The following CCDC171 variants were observed in gnomAD, a reference collection of about 807,000 sequenced individuals.
CCDC171 encodes the protein coiled-coil domain containing 171.
Under a neutral mutation model 168.2 loss-of-function variants are expected in CCDC171, and 177 were observed. The observed-to-expected ratio is 1.05, with a 90% confidence interval of 0.93 to 1.19. The LOEUF is 1.19. CCDC171 is among the 50% of genes most tolerant of loss of function. The pLI is 0.00. For synonymous variants in CCDC171, 687 were observed against 540.8 expected (o/e 1.27, Z -3.75); for missense variants, 1,991 against 1,539.0 (o/e 1.29, Z -4.91).
rs141749046 is a variant in CCDC171, at chr9:15,796,722, T to C, written c.3267+12028T>C. ...GTATGCCCTCAGGCAAGAGGCACAT[T>C]TGTGGAGTGCACAGTGGTCTGAGCT... On this transcript the variant is annotated intron_variant, in intron 21 of 25. Transcript: ENST00000380701. Among the ~76,000 whole-genome samples the C allele has an allele frequency of 1.6e-3, 244 of 151,670 alleles. 1 individual carries two copies. The highest frequency in any genetic ancestry group is 5.6e-3 in the African/African-American group (232 of 41,306).
At chr9:15,644,922 C>A (rs2046916854) in intron 7 of CCDC171, among the ~76,000 whole-genome samples, 1 of 152,228 alleles carries the variant, frequency 6.6e-6, no homozygotes, top group South Asian at 2.1e-4. Flanking sequence ...AGTTTGAGAT[C>A]TGAGAACAAA....
chr9:15,579,021 G>T lies in CCDC171; in HGVS notation c.350G>T (p.Cys117Phe), dbSNP rs765582386. The part of the protein sequence containing the change: ...AEAHRIQEKL[C>F]AQNSELQAKT... Reference sequence around the variant, plus strand: ...GCACATAGGATCCAAGAAAAACTCTGTGGTAAGACTGTTTCTATTTCTTCC... The same window carrying T: ...GCACATAGGATCCAAGAAAAACTCTTTGGTAAGACTGTTTCTATTTCTTCC... Residue 117 changes from cysteine (C) to phenylalanine (F), a missense_variant and splice_region_variant, in exon 4 of 26, where the codon TGT becomes TTT. Cys to Phe is a radical substitution (Grantham distance 205). Transcript: ENST00000380701. The T allele has an allele frequency of 2.5e-6, 4 of 1,612,122 alleles. No individual in the cohort carries two copies. The Admixed American group carries it at 6.7e-5, about 27-fold the overall frequency.
At chr9:15,636,236 C>A (rs987601292) in intron 7 of CCDC171, among the ~76,000 whole-genome samples, 3 of 151,890 alleles carry the variant, frequency 2.0e-5, no homozygotes, top group Middle Eastern at 3.2e-3. Flanking sequence ...AACAGAAATG[C>A]CAAATATGAA....
intron 10 of CCDC171, among the ~76,000 whole-genome samples, chr9:15,682,307 T>G (rs115717799): frequency 0.016 from 2,412 of 152,064 alleles, 66 homozygotes; most frequent in African/African-American, 0.053. Context: ...ATACAGAAAG[T>G]CTTAATAAAC....
intron 18 of CCDC171, among the ~76,000 whole-genome samples, chr9:15,748,401 A>G (rs537685485): frequency 1.9e-3 from 291 of 152,358 alleles, no homozygotes; most frequent in Middle Eastern, 3.4e-3. Context: ...AACGCTTTTC[A>G]GGATATTATC....
chr9:16,020,302 C>G (rs1168672847), intron 3 of CCDC171, among the ~76,000 whole-genome samples: 2 of 152,146 alleles, frequency 1.3e-5, no homozygotes, highest in Non-Finnish European at 2.9e-5. Flanking sequence ...CCCAAGATAT[C>G]TCATTATATA....
intron 21 of CCDC171, among the ~76,000 whole-genome samples, chr9:15,822,623 A>T (rs1484010136): frequency 6.6e-6 from 1 of 152,182 alleles, no homozygotes; most frequent in East Asian, 1.9e-4. Context: ...TGCAAATCAA[A>T]ACCACAGTGA....
intron 25 of CCDC171, among the ~76,000 whole-genome samples, chr9:15,956,905 G>A (rs1829851991): frequency 6.6e-6 from 1 of 151,942 alleles, no homozygotes; most frequent in Admixed American, 6.6e-5. Context: ...TATTAATGAT[G>A]TAATGGAAAA....
At chr9:15,786,707 C>T (rs572986218) in intron 21 of CCDC171, among the ~76,000 whole-genome samples, 9 of 152,232 alleles carry the variant, frequency 5.9e-5, no homozygotes, top group African/African-American at 1.9e-4. Context: ...AGAAGTGAAA[C>T]AGCCAGTTCC....
At chr9:15,886,283 A>G (rs1819382230) in intron 24 of CCDC171, 1 of 152,202 alleles carries the variant, frequency 6.6e-6, no homozygotes, top group African/African-American at 2.4e-5. Flanking sequence ...ATACAACACA[A>G]TAACTTTTTT....
intron 24 of CCDC171, among the ~76,000 whole-genome samples, chr9:15,910,795 T>C (rs1823515033): frequency 6.8e-6 from 1 of 146,944 alleles, no homozygotes; most frequent in East Asian, 2.0e-4. Flanking sequence ...GAAAGTGGGG[T>C]GTTTGGTTTT....
At chr9:15,678,627 G>C (rs563124628) in intron 9 of CCDC171, 131 bp from the exon 10 acceptor site, 45 of 609,126 alleles carry the variant, frequency 7.4e-5, no homozygotes, top group Non-Finnish European at 1.1e-4. Context: ...TTTGAAAAAG[G>C]AGTTAGCCTT....
chr9:15,698,808 C>G (rs2051436235), intron 11 of CCDC171, among the ~76,000 whole-genome samples: 2 of 152,172 alleles, frequency 1.3e-5, no homozygotes, highest in South Asian at 4.2e-4. Context: ...CTGCCTCAGC[C>G]TCCTAAATAG....
At chr9:15,744,891 A>G in intron 17 of CCDC171, 114 bp downstream of exon 17, 3 of 941,584 alleles carry the variant, frequency 3.2e-6, no homozygotes, top group Non-Finnish European at 4.7e-6. Context: ...GCCAAATAAT[A>G]TAACATAGTC....
intron 25 of CCDC171, among the ~76,000 whole-genome samples, chr9:15,969,415 T>A (rs1311782998): frequency 1.3e-5 from 2 of 152,162 alleles, no homozygotes; most frequent in African/African-American, 4.8e-5. Flanking sequence ...GTACAACATA[T>A]AAGTTTGAGT....
intron 21 of CCDC171, among the ~76,000 whole-genome samples, chr9:15,793,267 G>A (rs1353861468): frequency 1.3e-5 from 2 of 151,810 alleles, no homozygotes; most frequent in African/African-American, 4.8e-5. Flanking sequence ...TCAACAAGAA[G>A]AGCTAACTAT....
chr9:15,839,418 G>A (rs1484514144), intron 21 of CCDC171, among the ~76,000 whole-genome samples: 2 of 152,104 alleles, frequency 1.3e-5, no homozygotes, highest in African/African-American at 2.4e-5. Flanking sequence ...GAGTTTAGAG[G>A]AAGGTTTTAG....
chr9:15,877,061 TG>T, intron 24 of CCDC171, among the ~76,000 whole-genome samples: 1 of 152,058 alleles, frequency 6.6e-6, no homozygotes, highest in East Asian at 1.9e-4. Flanking sequence ...AGAGGATGAG[TG>T]GAGTACCTTT....
chr9:15,802,398 T>C (rs2058868002), intron 21 of CCDC171, among the ~76,000 whole-genome samples: 1 of 152,038 alleles, frequency 6.6e-6, no homozygotes, highest in African/African-American at 2.4e-5. Context: ...TTCCTGATCC[T>C]CTCCCTCCTC....
Sources: gnomAD v4.1 joint callset for allele counts (sites outside exome capture counted in the v4.1 genomes callset) on GRCh38, gnomAD v4.1.1 for gene constraint, MANE v1.5 for transcripts, NCBI Gene and HGNC (gene_info 2026-07-23, HGNC 2026-07-21) for gene names.